The following GSE1 variants were observed in gnomAD, a reference collection of about 807,000 sequenced individuals.
The protein encoded by GSE1 is Gse1 coiled-coil protein, also known as genetic suppressor element 1.
In GSE1, 32 loss-of-function variants were observed where a neutral mutation model predicts 112.6. That is an observed-to-expected ratio of 0.28 (90% CI 0.21 to 0.38). GSE1 has a LOEUF of 0.38. Ranked by LOEUF, GSE1 falls within the 10% of genes least tolerant of loss-of-function variation. The pLI, the probability that GSE1 is intolerant of heterozygous loss-of-function variation, is 1.00. For missense variants in GSE1, 2,348 were observed against 1,699.2 expected (o/e 1.38, Z -6.71); for synonymous variants, 1,115 against 735.6 (o/e 1.52, Z -8.35).
At chr16:85,442,202 C>A (rs2049391943) in intron 2 of GSE1, among the ~76,000 whole-genome samples, 1 of 152,216 alleles carries the variant, frequency 6.6e-6, no homozygotes, top group South Asian at 2.1e-4. Context: ...CTCAGAGAGG[C>A]CTTTGCTGCC....
chr16:85,574,044 C>A (rs963465873), intron 1 of GSE1, among the ~76,000 whole-genome samples: 2 of 152,148 alleles, frequency 1.3e-5, no homozygotes, highest in Non-Finnish European at 2.9e-5. Flanking sequence ...TGGGAGAGGC[C>A]CGCTCCCCAC....
intron 2 of GSE1, among the ~76,000 whole-genome samples, chr16:85,451,749 G>T (rs2049688507): frequency 1.0e-5 from 1 of 98,636 alleles, no homozygotes; most frequent in Non-Finnish European, 2.2e-5. Context: ...GGTGGTTGGT[G>T]CGTGCGCTGG....
At chr16:85,254,181 C>T (rs757935042) in intron 1 of GSE1, among the ~76,000 whole-genome samples, 1 of 152,214 alleles carries the variant, frequency 6.6e-6, no homozygotes, top group Non-Finnish European at 1.5e-5. Flanking sequence ...CCCTGGTGTA[C>T]TCTGGTGCAC....
intron 1 of GSE1, among the ~76,000 whole-genome samples, chr16:85,267,688 A>G (rs1908399018): frequency 6.6e-6 from 1 of 152,078 alleles, no homozygotes; most frequent in Non-Finnish European, 1.5e-5. Flanking sequence ...AACACATCCA[A>G]GCTTTCCCTG....
chr16:85,522,245 A>C (rs13334943), intron 2 of GSE1, among the ~76,000 whole-genome samples: 9,674 of 151,112 alleles, frequency 0.064, 410 homozygotes, highest in South Asian at 0.15. Context: ...CCAGTATCCC[A>C]CCTCTTTCCC....
chr16:85,339,535 G>A (rs1245743891), intron 1 of GSE1, among the ~76,000 whole-genome samples: 1 of 151,402 alleles, frequency 6.6e-6, no homozygotes, highest in Non-Finnish European at 1.5e-5. Context: ...TCTTTTCAGG[G>A]AAGGCGGCAG....
At chr16:85,514,367 A>C (rs201636586) in intron 2 of GSE1, among the ~76,000 whole-genome samples, 4,660 of 83,364 alleles carry the variant, frequency 0.056, 226 homozygotes, top group African/African-American at 0.16. Context: ...GTGGGACACC[A>C]CCCCCCCATC....
intron 2 of GSE1, among the ~76,000 whole-genome samples, chr16:85,394,758 C>G (rs2047929166): frequency 1.3e-5 from 2 of 152,178 alleles, no homozygotes; most frequent in African/African-American, 4.8e-5. Flanking sequence ...TTTTCTACAG[C>G]AGAGCAAACC....
chr16:85,286,816 G>A (rs1171945532), intron 1 of GSE1, among the ~76,000 whole-genome samples: 2 of 152,124 alleles, frequency 1.3e-5, no homozygotes, highest in East Asian at 3.8e-4. Context: ...CGAGTGGGAT[G>A]TTTTCTTCCC....
At chr16:85,642,296 G>C (rs2050508338) in intron 2 of GSE1, among the ~76,000 whole-genome samples, 1 of 152,230 alleles carries the variant, frequency 6.6e-6, no homozygotes, top group South Asian at 2.1e-4. Flanking sequence ...GGGTGACAGA[G>C]AGAGACCCTG....
chr16:85,354,239 G>T (rs766239664), intron 1 of GSE1, among the ~76,000 whole-genome samples: 14 of 152,186 alleles, frequency 9.2e-5, no homozygotes, highest in Non-Finnish European at 1.9e-4. Flanking sequence ...GTGTCCCCCA[G>T]TTGCTTTGTA....
At chr16:85,413,931 C>G (rs1201837588) in intron 2 of GSE1, among the ~76,000 whole-genome samples, 4 of 152,182 alleles carry the variant, frequency 2.6e-5, no homozygotes, top group African/African-American at 9.7e-5. Flanking sequence ...TCCCCCTTTG[C>G]TCAGCACTTC....
chr16:85,537,528 G>A (rs2044372208), intron 2 of GSE1, among the ~76,000 whole-genome samples: 1 of 152,218 alleles, frequency 6.6e-6, no homozygotes, highest in African/African-American at 2.4e-5. Context: ...CAGGGCTCGA[G>A]TTCTGGGCTC....
intron 1 of GSE1, among the ~76,000 whole-genome samples, chr16:85,288,328 A>G (rs1053517282): frequency 2.0e-5 from 3 of 152,226 alleles, no homozygotes; most frequent in Non-Finnish European, 2.9e-5. Flanking sequence ...ACTGACCCTG[A>G]AGTCACTCTG....
At chr16:85,525,439 A>G (rs1444949694) in intron 2 of GSE1, among the ~76,000 whole-genome samples, 2 of 152,180 alleles carry the variant, frequency 1.3e-5, no homozygotes, top group Admixed American at 6.5e-5. Context: ...GCTGAGAAGG[A>G]GCGAGGTGGC....
chr16:85,360,377 C>A (rs2047038891), intron 2 of GSE1, among the ~76,000 whole-genome samples: 1 of 151,712 alleles, frequency 6.6e-6, no homozygotes, highest in African/African-American at 2.4e-5. Context: ...CGGGTGGGGG[C>A]AGGTGGGGCA....
intron 2 of GSE1, among the ~76,000 whole-genome samples, chr16:85,456,591 T>C (rs1478381371): frequency 4.9e-4 from 58 of 118,186 alleles, no homozygotes; most frequent in African/African-American, 2.1e-3. Flanking sequence ...TGTGTGTGTG[T>C]GTGTGTGTGT....
intron 2 of GSE1, among the ~76,000 whole-genome samples, chr16:85,648,073 G>T (rs577137297): frequency 2.0e-5 from 3 of 150,150 alleles, no homozygotes; most frequent in African/African-American, 7.3e-5. Flanking sequence ...GGGGCAGGGT[G>T]TGTGGCCCAG....
chr16:85,673,221 G>C lies in GSE1; in HGVS notation c.*682G>C, dbSNP rs2053482104. The C allele has an allele frequency of 6.6e-6, 1 of 152,506 alleles. No homozygotes were observed. The highest frequency in any genetic ancestry group is 1.5e-5 in the Non-Finnish European group (1 of 68,036). The allele number at this position is 152,506 out of a possible 1,614,324, so 9.4% of individuals were successfully genotyped here. A position where few individuals can be genotyped will look rare whatever the true frequency, so the allele number is the denominator to read the frequency against. On this transcript the variant is annotated 3_prime_UTR_variant, in exon 16 of 16. Coordinates refer to ENST00000253458, the MANE Select transcript of GSE1 (RefSeq NM_014615.5). ...GTGGGGAGCATGTACAGAGCTCTGT[G>C]TATACACAGCTTCACACCCACCAGA...
Sources: allele counts gnomAD v4.1 joint callset (sites outside exome capture counted in the v4.1 genomes callset), GRCh38; gene constraint gnomAD v4.1.1; transcripts MANE v1.5; gene names NCBI Gene and HGNC (gene_info 2026-07-23, HGNC 2026-07-21).